Variants in SPATA17 observed in about 807,000 individuals in gnomAD.
SPATA17 encodes the protein spermatogenesis associated 17.
SPATA17 carries 53 observed loss-of-function variants against 62.2 expected under a neutral mutation model. That is an observed-to-expected ratio of 0.85 (90% CI 0.68 to 1.07). SPATA17 has a LOEUF of 1.07. SPATA17 is among the 50% of genes least tolerant of loss of function. The pLI, the probability that SPATA17 is intolerant of heterozygous loss-of-function variation, is 0.00. For missense variants in SPATA17, 466 were observed against 425.5 expected (o/e 1.10, Z -0.84); for synonymous variants, 146 against 146.8 (o/e 0.99, Z 0.04).
chr1:217,830,338 C>CT (rs1358413592), intron 9 of SPATA17, among the ~76,000 whole-genome samples: 1 of 151,974 alleles, frequency 6.6e-6, no homozygotes, highest in African/African-American at 2.4e-5. Context: ...CAGTCAAATT[C>CT]TTTTTTAAAT....
intron 5 of SPATA17, among the ~76,000 whole-genome samples, chr1:217,727,285 A>ATAC (rs35757141): frequency 0.046 from 6,708 of 146,674 alleles, 209 homozygotes; most frequent in Non-Finnish European, 0.065. Context: ...AATAATAATA[A>ATAC]TAACAACAAA....
intron 9 of SPATA17, among the ~76,000 whole-genome samples, chr1:217,821,632 G>A (rs1011674202): frequency 1.3e-5 from 2 of 151,872 alleles, no homozygotes; most frequent in Non-Finnish European, 1.5e-5. Flanking sequence ...TTGGCTGTGA[G>A]TGGGAGAAGA....
chr1:217,795,455 C>T (rs547146255), intron 8 of SPATA17, among the ~76,000 whole-genome samples: 5 of 147,144 alleles, frequency 3.4e-5, no homozygotes, highest in East Asian at 2.0e-4. Context: ...CTGCAAACTC[C>T]GCCTCTGGCG....
intron 6 of SPATA17, among the ~76,000 whole-genome samples, chr1:217,752,448 C>T (rs1336897266): frequency 6.6e-6 from 1 of 152,154 alleles, no homozygotes; most frequent in African/African-American, 2.4e-5. Context: ...CTGCCTGAAA[C>T]AGCTCTATGG....
intron 3 of SPATA17, among the ~76,000 whole-genome samples, chr1:217,664,135 A>G (rs920581286): frequency 2.0e-5 from 3 of 152,106 alleles, no homozygotes; most frequent in African/African-American, 7.2e-5. Flanking sequence ...TGAGAATATA[A>G]GGCTAAACTG....
intron 3 of SPATA17, among the ~76,000 whole-genome samples, chr1:217,656,188 C>T (rs190541410): frequency 2.6e-5 from 4 of 152,174 alleles, no homozygotes; most frequent in East Asian, 3.9e-4. Context: ...CAGGCTGAGA[C>T]GTCTTTTTAA....
At chr1:217,760,035 A>G (rs2102962247) in intron 6 of SPATA17, among the ~76,000 whole-genome samples, 1 of 152,344 alleles carries the variant, frequency 6.6e-6, no homozygotes, top group East Asian at 1.9e-4. Context: ...AAAGACATAT[A>G]CAAGCAACCC....
chr1:217,727,286 T>TAATAAC (rs1553369909), intron 5 of SPATA17, among the ~76,000 whole-genome samples: 32 of 143,226 alleles, frequency 2.2e-4, no homozygotes, highest in South Asian at 2.2e-3. Flanking sequence ...ATAATAATAA[T>TAATAAC]AACAACAAAA....
intron 1 of SPATA17, among the ~76,000 whole-genome samples, chr1:217,645,545 A>G (rs1670161637): frequency 6.6e-6 from 1 of 152,298 alleles, no homozygotes; most frequent in Non-Finnish European, 1.5e-5. Flanking sequence ...GATGAAAAAC[A>G]AATCTGGTAT....
chr1:217,841,235 A>C (rs1675388717), intron 9 of SPATA17, among the ~76,000 whole-genome samples: 1 of 152,044 alleles, frequency 6.6e-6, no homozygotes, highest in African/African-American at 2.4e-5. Flanking sequence ...TCAAACATTA[A>C]ATTATTTTCA....
chr1:217,669,525 G>A (rs968972630), intron 4 of SPATA17, among the ~76,000 whole-genome samples: 19 of 152,082 alleles, frequency 1.2e-4, no homozygotes, highest in Non-Finnish European at 2.6e-4. Context: ...TATCAGTTCT[G>A]TGTTCATTTT....
At chr1:217,792,291 A>G (rs1398941811) in intron 8 of SPATA17, among the ~76,000 whole-genome samples, 1 of 152,178 alleles carries the variant, frequency 6.6e-6, no homozygotes, top group East Asian at 1.9e-4. Flanking sequence ...ACAAAGATCC[A>G]TTCAAGGAAA....
At chr1:217,820,247 G>C (rs935660252) in intron 9 of SPATA17, among the ~76,000 whole-genome samples, 2 of 151,944 alleles carry the variant, frequency 1.3e-5, no homozygotes, top group East Asian at 1.9e-4. Context: ...AGAGTTAAAA[G>C]GTTTTAAGCA....
chr1:217,635,856 C>T (rs1334660340), intron 1 of SPATA17, among the ~76,000 whole-genome samples: 6 of 151,850 alleles, frequency 4.0e-5, no homozygotes, highest in Non-Finnish European at 7.4e-5. Context: ...GGACTGACGC[C>T]GGGAGCAGTG....
intron 6 of SPATA17, 51 bp downstream of exon 6, chr1:217,742,149 C>G: frequency 6.2e-7 from 1 of 1,601,490 alleles, no homozygotes; most frequent in Non-Finnish European, 8.5e-7. Context: ...GGCCCCTAGC[C>G]TGACAAAGAT....
In SPATA17 at chr1:217,823,595, TCTC is replaced by T. The variant is rs1674920600; in HGVS notation, c.1005+21749_1005+21751del. On this transcript the variant is annotated intron_variant, in intron 9 of 10. Coordinates refer to ENST00000366933, the MANE Select transcript of SPATA17 (RefSeq NM_138796.4). The stretch of plus-strand genomic sequence containing the variant: ...CTTGTCAATTCTTTCTTCCAAGGAA[TCTC>T]CTCATTTCTTCTCAAGGTCATGTAT... Among the ~76,000 whole-genome samples, 3 of 152,040 alleles carry T rather than the reference TCTC, an allele frequency of 2.0e-5. No individual in the cohort carries two copies. In the South Asian group the frequency reaches 6.2e-4, roughly 31 times the overall value.
chr1:217,727,247 C>A (rs1672282257), intron 5 of SPATA17, among the ~76,000 whole-genome samples: 1 of 132,776 alleles, frequency 7.5e-6, no homozygotes, highest in Non-Finnish European at 1.6e-5. Flanking sequence ...AACTCCGTCT[C>A]AATAATAATA....
At chr1:217,650,966 T>C in intron 2 of SPATA17, 131 bp from the exon 3 acceptor site, 1 of 639,752 alleles carries the variant, frequency 1.6e-6, no homozygotes, top group South Asian at 2.0e-5. Flanking sequence ...AATAACTTTC[T>C]ACTGTTTAAA....
chr1:217,698,632 C>T (rs890169691), intron 5 of SPATA17, among the ~76,000 whole-genome samples: 2 of 151,224 alleles, frequency 1.3e-5, no homozygotes, highest in Non-Finnish European at 2.9e-5. Context: ...CAACATCTTG[C>T]AGAACTAGAG....
Sources: gnomAD v4.1 joint callset for allele counts (sites outside exome capture counted in the v4.1 genomes callset) on GRCh38, gnomAD v4.1.1 for gene constraint, MANE v1.5 for transcripts, NCBI Gene and HGNC (gene_info 2026-07-23, HGNC 2026-07-21) for gene names.